The following SNX9 variants were observed in gnomAD, a reference collection of about 807,000 sequenced individuals.
SNX9 encodes the protein sorting nexin-9.
In SNX9, 44 loss-of-function variants were observed where a neutral mutation model predicts 89.4. That is an observed-to-expected ratio of 0.49 (90% CI 0.39 to 0.63). The LOEUF (loss-of-function observed/expected upper bound fraction) is 0.63. Among genes scored for constraint, SNX9 ranks in the 30% least tolerant of loss-of-function variants. The pLI is 0.00. For synonymous variants in SNX9, 236 were observed against 247.8 expected, an observed-to-expected ratio of 0.95 and a Z score of 0.45; for missense variants, 578 against 736.1, an observed-to-expected ratio of 0.79 and a Z score of 2.49.
chr6:157,902,295 T>G (rs1783121691), intron 6 of SNX9, among the ~76,000 whole-genome samples: 1 of 152,230 alleles, frequency 6.6e-6, no homozygotes, highest in African/African-American at 2.4e-5. Flanking sequence ...CTGTTTTCAT[T>G]ACTTCTAGCT....
chr6:157,837,908 T>C (rs1352802989), intron 1 of SNX9, among the ~76,000 whole-genome samples: 1 of 152,256 alleles, frequency 6.6e-6, no homozygotes, highest in Non-Finnish European at 1.5e-5. Context: ...CCATTAATTA[T>C]GGAAGGAATA....
At chr6:157,884,719 G>A (rs1354634842) in intron 4 of SNX9, among the ~76,000 whole-genome samples, 1 of 152,124 alleles carries the variant, frequency 6.6e-6, no homozygotes, top group African/African-American at 2.4e-5. Context: ...TACTAACCTT[G>A]TGTGCTTTTT....
At chr6:157,824,635 G>A (rs1277067393) in intron 1 of SNX9, among the ~76,000 whole-genome samples, 1 of 152,190 alleles carries the variant, frequency 6.6e-6, no homozygotes, top group East Asian at 1.9e-4. Context: ...ATGTTGTGCT[G>A]TGGTAAATTT....
chr6:157,918,126 G>A (rs1454102260), intron 9 of SNX9, among the ~76,000 whole-genome samples: 1 of 152,070 alleles, frequency 6.6e-6, no homozygotes, highest in Non-Finnish European at 1.5e-5. Flanking sequence ...TGTCAGTTAG[G>A]CTGGGTTGAT....
At chr6:157,875,667 C>T (rs887208715) in intron 4 of SNX9, among the ~76,000 whole-genome samples, 1 of 152,128 alleles carries the variant, frequency 6.6e-6, no homozygotes, top group African/African-American at 2.4e-5. Context: ...GCACTTGGTA[C>T]TCTTATTGTA....
intron 1 of SNX9, among the ~76,000 whole-genome samples, chr6:157,844,886 C>T (rs1271998596): frequency 3.3e-5 from 5 of 151,640 alleles, no homozygotes; most frequent in Non-Finnish European, 5.9e-5. Flanking sequence ...TGAGCCACTG[C>T]GCCTGGCCGT....
chr6:157,838,638 A>G (rs999225373), intron 1 of SNX9, among the ~76,000 whole-genome samples: 8 of 152,230 alleles, frequency 5.3e-5, no homozygotes, highest in Non-Finnish European at 1.0e-4. Flanking sequence ...ATATTCTGAC[A>G]TTATGTTACT....
chr6:157,941,146 C>G (rs866335494), intron 17 of SNX9, among the ~76,000 whole-genome samples, 172 bp downstream of exon 17: 3 of 152,292 alleles, frequency 2.0e-5, no homozygotes, highest in South Asian at 4.1e-4. Context: ...CTGCCCTTTG[C>G]TTTTTGGATA....
At chr6:157,921,751 T>C (rs1211780178) in intron 10 of SNX9, 90 bp downstream of exon 10, 1 of 1,406,416 alleles carries the variant, frequency 7.1e-7, no homozygotes, top group South Asian at 1.4e-5. Context: ...AAAATTATGT[T>C]GGTTAGTTAT....
At chr6:157,856,929 A>C (rs1333221777) in intron 1 of SNX9, among the ~76,000 whole-genome samples, 1 of 152,162 alleles carries the variant, frequency 6.6e-6, no homozygotes, top group African/African-American at 2.4e-5. Context: ...GGGGATTGAA[A>C]AAAATGATCT....
chr6:157,837,383 GTA>G (rs751182549), intron 1 of SNX9, among the ~76,000 whole-genome samples: 1 of 152,142 alleles, frequency 6.6e-6, no homozygotes, highest in Non-Finnish European at 1.5e-5. Context: ...TATTTGCATT[GTA>G]TAATATGTTC....
At chr6:157,911,436 G>A (rs1439014165) in intron 9 of SNX9, among the ~76,000 whole-genome samples, 1 of 152,206 alleles carries the variant, frequency 6.6e-6, no homozygotes. Context: ...ACAGTTCAGG[G>A]AGGGCCTGCG....
chr6:157,934,575 T>C (rs1783883775), intron 13 of SNX9, among the ~76,000 whole-genome samples: 1 of 152,206 alleles, frequency 6.6e-6, no homozygotes, highest in African/African-American at 2.4e-5. Flanking sequence ...TATAAGAATG[T>C]TAGTTGTTTT....
At chr6:157,903,122 C>T (rs1274272261) in intron 6 of SNX9, among the ~76,000 whole-genome samples, 1 of 152,192 alleles carries the variant, frequency 6.6e-6, no homozygotes, top group African/African-American at 2.4e-5. Context: ...TAATTTATGA[C>T]TTCCATCAGA....
intron 1 of SNX9, among the ~76,000 whole-genome samples, chr6:157,833,364 T>C (rs569841088): frequency 8.5e-5 from 13 of 152,334 alleles, no homozygotes; most frequent in Admixed American, 5.2e-4. Context: ...TACCTTCTGT[T>C]AATTTGTTTC....
Position 157,829,777 on chromosome 6 carries a change from C to T in SNX9, c.12+6331C>T, listed in dbSNP as rs766544374. Among the ~76,000 whole-genome samples, 5 of 152,154 alleles carry T rather than the reference C, an allele frequency of 3.3e-5. No homozygotes were observed. The South Asian group carries it at 1.0e-3, about 32-fold the overall frequency. Reference sequence around the variant, plus strand: ...TTTCACTAGCTTTTGGTAAATATTTCCCAGATATATAAAAGCCAATAGCTG... The same window carrying T: ...TTTCACTAGCTTTTGGTAAATATTTTCCAGATATATAAAAGCCAATAGCTG... On this transcript the variant is annotated intron_variant, in intron 1 of 17. Coordinates refer to ENST00000392185, the MANE Select transcript of SNX9 (RefSeq NM_016224.5).
chr6:157,890,201 A>G (rs775261773), intron 4 of SNX9, among the ~76,000 whole-genome samples: 5 of 152,136 alleles, frequency 3.3e-5, no homozygotes, highest in Non-Finnish European at 7.4e-5. Flanking sequence ...GTATATTTGT[A>G]CCATGTGCAG....
chr6:157,875,246 T>G, intron 4 of SNX9, 70 bp downstream of exon 4: 1 of 1,541,066 alleles, frequency 6.5e-7, no homozygotes, highest in Non-Finnish European at 8.8e-7. Context: ...TGAAGGCTTG[T>G]GATGCATTAT....
At chr6:157,903,931 G>A (rs1783158805) in intron 6 of SNX9, among the ~76,000 whole-genome samples, 1 of 152,190 alleles carries the variant, frequency 6.6e-6, no homozygotes, top group Non-Finnish European at 1.5e-5. Context: ...TCTCTGTAGT[G>A]CTGTGAACGA....
Sources: allele counts gnomAD v4.1 joint callset (sites outside exome capture counted in the v4.1 genomes callset), GRCh38; gene constraint gnomAD v4.1.1; transcripts MANE v1.5; gene names NCBI Gene and HGNC (gene_info 2026-07-23, HGNC 2026-07-21).